The following C8orf34 variants were observed in gnomAD, a reference collection of about 807,000 sequenced individuals.
C8orf34 encodes chromosome 8 open reading frame 34.
C8orf34 carries 65 observed loss-of-function variants against 68.3 expected under a neutral mutation model. That is an observed-to-expected ratio of 0.95 (90% CI 0.78 to 1.17). C8orf34 has a LOEUF of 1.17. Among genes scored for constraint, C8orf34 ranks in the 50% most tolerant of loss-of-function variants. The pLI is 0.00. For missense variants in C8orf34, 664 were observed against 655.4 expected (o/e 1.01, Z -0.14); for synonymous variants, 244 against 241.2 (o/e 1.01, Z -0.11).
intron 8 of C8orf34, among the ~76,000 whole-genome samples, chr8:68,671,807 G>GTA (rs1820019784): frequency 6.6e-6 from 1 of 152,034 alleles, no homozygotes; most frequent in African/African-American, 2.4e-5. Context: ...AAGTCAATAT[G>GTA]GGGCTTCTAA....
intron 7 of C8orf34, among the ~76,000 whole-genome samples, chr8:68,539,828 T>C (rs1461344960): frequency 6.6e-6 from 1 of 151,730 alleles, no homozygotes; most frequent in Non-Finnish European, 1.5e-5. Flanking sequence ...CACTCCACCC[T>C]GGGCAACAGA....
At chr8:68,632,288 T>G (rs1818712979) in intron 7 of C8orf34, among the ~76,000 whole-genome samples, 2 of 152,124 alleles carry the variant, frequency 1.3e-5, no homozygotes, top group South Asian at 2.1e-4. Context: ...TCTGTGGAAT[T>G]TTGAACTTGA....
In C8orf34 at chr8:68,468,821, G is replaced by T; in HGVS notation, c.736+1G>T. 3.7e-6 allele frequency: 6 copies of T among 1,608,114 alleles called. No individual in the cohort carries two copies. Among genetic ancestry groups the T allele is most frequent in the Non-Finnish European group, 5.1e-6 (6 of 1,177,782 alleles). ...AAAGCCCTTGAGAATCTCTCTCGAA[G>T]TAAGTTCATTTACTTGATTATAATT... On this transcript the variant is annotated splice_donor_variant, in intron 4 of 13. Coordinates refer to ENST00000518698, the MANE Select transcript of C8orf34 (RefSeq NM_052958.4). LOFTEE classifies it high-confidence loss of function.
At position 68,468,752 on chromosome 8, in the gene C8orf34, T is replaced by G; in HGVS notation, c.668T>G (p.Phe223Cys). 1 of 1,612,752 alleles carries G rather than the reference T, an allele frequency of 6.2e-7. No individual in the cohort carries two copies. Among genetic ancestry groups the G allele is most frequent in the East Asian group, 2.2e-5 (1 of 44,836 alleles). The change falls in exon 4 of 14, where the codon TTT becomes TGT. Residue 223 changes from phenylalanine to cysteine, a missense_variant. Physicochemically the swap from Phe to Cys is radical, Grantham distance 205. Coordinates refer to ENST00000518698, the MANE Select transcript of C8orf34 (RefSeq NM_052958.4). ...NWRTKPQSRDFDELNHILQES... is the reference protein window; with the variant it reads ...NWRTKPQSRDCDELNHILQES... ...AGGACTAAACCACAAAGCCGTGATT[T>G]TGATGAATTGAATCACATCCTTCAG...
intron 8 of C8orf34, among the ~76,000 whole-genome samples, chr8:68,661,577 C>T (rs1263081168): frequency 6.6e-6 from 1 of 152,148 alleles, no homozygotes; most frequent in Non-Finnish European, 1.5e-5. Flanking sequence ...CTGCCGGTTG[C>T]CCCCTTACCA....
intron 8 of C8orf34, among the ~76,000 whole-genome samples, chr8:68,699,198 G>C (rs1427347120): frequency 6.6e-6 from 1 of 151,716 alleles, no homozygotes; most frequent in East Asian, 2.0e-4. Context: ...AGTCCACGGA[G>C]GCCTTAACTG....
chr8:68,615,256 C>G (rs2130592734), intron 7 of C8orf34, among the ~76,000 whole-genome samples: 2 of 150,814 alleles, frequency 1.3e-5, no homozygotes, highest in South Asian at 4.2e-4. Flanking sequence ...TTGACTTCCT[C>G]TTTTCCTAAT....
chr8:68,559,531 A>G (rs1563529922), intron 7 of C8orf34, among the ~76,000 whole-genome samples: 1 of 152,188 alleles, frequency 6.6e-6, no homozygotes, highest in Non-Finnish European at 1.5e-5. Context: ...AGGGATACTG[A>G]TGGAAACTTG....
At chr8:68,706,151 T>A (rs1188397310) in intron 8 of C8orf34, among the ~76,000 whole-genome samples, 1 of 152,226 alleles carries the variant, frequency 6.6e-6, no homozygotes, top group Non-Finnish European at 1.5e-5. Context: ...TAGTCACCAA[T>A]CCTAGAATGA....
chr8:68,367,750 G>C (rs1166834350), intron 1 of C8orf34, among the ~76,000 whole-genome samples: 4 of 128,942 alleles, frequency 3.1e-5, no homozygotes, highest in African/African-American at 8.7e-5. Flanking sequence ...GGACTGTGGT[G>C]GGGTGGGGGG....
intron 1 of C8orf34, among the ~76,000 whole-genome samples, chr8:68,403,859 T>C (rs1358484442): frequency 6.6e-6 from 1 of 152,232 alleles, no homozygotes; most frequent in Non-Finnish European, 1.5e-5. Flanking sequence ...TGCATGTGTC[T>C]TTATGGCAGA....
In C8orf34 at chr8:68,502,502, T is replaced by C. The variant is rs150773385; in HGVS notation, c.765+14451T>C. Among the ~76,000 whole-genome samples, 262 of 152,256 alleles carry C rather than the reference T, an allele frequency of 1.7e-3. 5 individuals carry two copies. In the East Asian group the frequency reaches 0.037, roughly 21 times the overall value. ...ATAATAACCCCAATATAGTGAGTTA[T>C]AGCAAATATTTTAAAATCCACATGT... On this transcript the variant is annotated intron_variant, in intron 5 of 13. Transcript: ENST00000518698.
At chr8:68,657,174 G>T (rs189458204) in intron 8 of C8orf34, among the ~76,000 whole-genome samples, 1 of 151,938 alleles carries the variant, frequency 6.6e-6, no homozygotes, top group African/African-American at 2.4e-5. Flanking sequence ...CTCCACAAAC[G>T]TATCCAAATA....
chr8:68,811,348 G>C (rs1307705379), intron 12 of C8orf34, among the ~76,000 whole-genome samples: 1 of 152,234 alleles, frequency 6.6e-6, no homozygotes, highest in Non-Finnish European at 1.5e-5. Flanking sequence ...GCCTGCAGGG[G>C]CAGGTGATCT....
intron 7 of C8orf34, among the ~76,000 whole-genome samples, chr8:68,616,123 G>A (rs1172135243): frequency 6.6e-6 from 1 of 151,206 alleles, no homozygotes. Context: ...ATTTCTGTGG[G>A]ATCGGTGGTG....
In C8orf34 at chr8:68,595,140, T is replaced by A. The variant is rs1363063387; in HGVS notation, c.1106-45236T>A. Among the ~76,000 whole-genome samples, 465 of 150,056 alleles carry A rather than the reference T, an allele frequency of 3.1e-3. 4 individuals carry two copies. The highest frequency in any genetic ancestry group is 0.011 in the African/African-American group (449 of 41,146). On this transcript the variant is annotated intron_variant, in intron 7 of 13. Coordinates refer to ENST00000518698, the MANE Select transcript of C8orf34 (RefSeq NM_052958.4). ...AATGGTAAAAAAAAAAAAAAAAATT[T>A]TTTTTTTTACAATAATAAACTTTTC...
At chr8:68,720,782 A>G (rs995298487) in intron 9 of C8orf34, among the ~76,000 whole-genome samples, 1 of 151,886 alleles carries the variant, frequency 6.6e-6, no homozygotes, top group African/African-American at 2.4e-5. Context: ...AGGTTGCATC[A>G]TTGTTTTCAC....
chr8:68,719,424 T>C (rs926573022), intron 9 of C8orf34, among the ~76,000 whole-genome samples: 2 of 152,018 alleles, frequency 1.3e-5, no homozygotes, highest in African/African-American at 4.8e-5. Flanking sequence ...ACAAAGTTAC[T>C]AATACTTTTG....
At chr8:68,512,710 T>C (rs1464921330) in intron 5 of C8orf34, among the ~76,000 whole-genome samples, 1 of 152,018 alleles carries the variant, frequency 6.6e-6, no homozygotes, top group East Asian at 1.9e-4. Flanking sequence ...CTTTTAGCTT[T>C]TCCTATCTAA....
Sources: allele counts gnomAD v4.1 joint callset (sites outside exome capture counted in the v4.1 genomes callset), GRCh38; gene constraint gnomAD v4.1.1; transcripts MANE v1.5; gene names NCBI Gene and HGNC (gene_info 2026-07-23, HGNC 2026-07-21).